The following CAPN2 variants were observed in gnomAD, a reference collection of about 807,000 sequenced individuals.
CAPN2 encodes calpain 2, also known as calpain-2 catalytic subunit.
Under a neutral mutation model 102.3 loss-of-function variants are expected in CAPN2, and 92 were observed. The ratio of observed to expected loss-of-function variants is 0.90; its 90% CI spans 0.76 to 1.07. The LOEUF (loss-of-function observed/expected upper bound fraction) is 1.07. Ranked by LOEUF, CAPN2 falls within the 50% of genes least tolerant of loss-of-function variation. The pLI is 0.00. For missense variants in CAPN2, 800 were observed against 909.4 expected (o/e 0.88, Z 1.55); for synonymous variants, 340 against 355.4 (o/e 0.96, Z 0.49).
At chr1:223,745,218 C>A in intron 3 of CAPN2, 88 bp from the exon 4 acceptor site, 1 of 1,562,964 alleles carries the variant, frequency 6.4e-7, no homozygotes, top group Non-Finnish European at 8.7e-7. Context: ...CCCAGGGGAT[C>A]AGGGCAAGGG....
chr1:223,703,290 A>T (rs901706582), intron 1 of CAPN2, among the ~76,000 whole-genome samples: 4 of 151,780 alleles, frequency 2.6e-5, no homozygotes, highest in Admixed American at 2.0e-4. Context: ...GGATTAAATG[A>T]GTAAATATGT....
chr1:223,718,355 G>C (rs980822083), intron 2 of CAPN2, among the ~76,000 whole-genome samples: 1 of 152,206 alleles, frequency 6.6e-6, no homozygotes, highest in African/African-American at 2.4e-5. Context: ...GCTCACCATG[G>C]TATCACAGTT....
chr1:223,764,594 C>T (rs1661267552), intron 15 of CAPN2, among the ~76,000 whole-genome samples: 1 of 152,228 alleles, frequency 6.6e-6, no homozygotes, highest in Admixed American at 6.5e-5. Flanking sequence ...GCTGGAATCA[C>T]AGGCAAGTGC....
chr1:223,708,614 C>G (rs531264805), upstream of CAPN2, among the ~76,000 whole-genome samples: 9 of 151,698 alleles, frequency 5.9e-5, no homozygotes, highest in East Asian at 1.8e-3. Flanking sequence ...ACTAAAAATA[C>G]AAAAAAATTA....
intron 16 of CAPN2, among the ~76,000 whole-genome samples, chr1:223,767,209 T>C (rs1046468411): frequency 6.6e-6 from 1 of 151,982 alleles, no homozygotes; most frequent in Non-Finnish European, 1.5e-5. Flanking sequence ...ATTATTATAC[T>C]TTAAGTTTTA....
chr1:223,771,774 C>A, intron 18 of CAPN2, 35 bp from the exon 19 acceptor site: 1 of 1,273,962 alleles, frequency 7.8e-7, no homozygotes, highest in Non-Finnish European at 1.2e-6. Flanking sequence ...CAATCTAATG[C>A]TTAGCAATGA....
upstream of CAPN2, chr1:223,712,519 C>T (rs1659756215): frequency 8.2e-7 from 1 of 1,219,120 alleles, no homozygotes; most frequent in Non-Finnish European, 1.0e-6. Context: ...TGAATCATCG[C>T]TCGCAGCGGC....
chr1:223,704,574 G>A (rs1337026936), intron 1 of CAPN2, among the ~76,000 whole-genome samples: 3 of 152,176 alleles, frequency 2.0e-5, no homozygotes, highest in Non-Finnish European at 4.4e-5. Context: ...CACAGTTGAG[G>A]TCTTAGTTTG....
intron 9 of CAPN2, among the ~76,000 whole-genome samples, chr1:223,753,880 G>A (rs1013962703): frequency 5.3e-5 from 8 of 152,316 alleles, no homozygotes; most frequent in African/African-American, 1.7e-4. Flanking sequence ...GATATGTTAT[G>A]TATATACAAA....
intron 16 of CAPN2, among the ~76,000 whole-genome samples, chr1:223,768,445 G>A (rs1405916594): frequency 6.6e-6 from 1 of 151,744 alleles, no homozygotes; most frequent in African/African-American, 2.4e-5. Flanking sequence ...TATTAAATAG[G>A]GAATCCTTTC....
chr1:223,742,776 C>T (rs917815434), intron 2 of CAPN2, among the ~76,000 whole-genome samples: 3 of 152,152 alleles, frequency 2.0e-5, no homozygotes, highest in African/African-American at 4.8e-5. Context: ...TGACCTTGGC[C>T]TCCCAAAGTG....
At chr1:223,738,107 TAAAC>T (rs1192050091) in intron 2 of CAPN2, among the ~76,000 whole-genome samples, 2 of 152,220 alleles carry the variant, frequency 1.3e-5, no homozygotes, top group Non-Finnish European at 2.9e-5. Flanking sequence ...AATTTTTAAA[TAAAC>T]TTATCAGAAT....
rs753061605 is a variant in CAPN2 at position 223,752,874 on chromosome 1, T to C, written c.1053T>C (p.Asp351=). 1.2e-6 allele frequency: 2 copies of C among 1,614,142 alleles called. No homozygotes were observed. Among genetic ancestry groups the C allele is most frequent in the Non-Finnish European group, 1.7e-6 (2 of 1,179,992 alleles). ...CNLTPDTLTS[D]TYKKWKLTKM... is the part of the protein sequence containing the mutation. Reference sequence around the variant, plus strand: ...TGACCCCAGACACTCTCACCAGCGATACCTACAAGAAGTGGAAACTCACCA... The same window carrying C: ...TGACCCCAGACACTCTCACCAGCGACACCTACAAGAAGTGGAAACTCACCA... Residue 351 remains aspartate (D), a synonymous_variant, in exon 9 of 21, where the codon GAT becomes GAC. Transcript: ENST00000295006.
At chr1:223,772,990 A>T (rs768145122) in intron 20 of CAPN2, 2 of 152,186 alleles carry the variant, frequency 1.3e-5, no homozygotes, top group Non-Finnish European at 2.9e-5. Flanking sequence ...ACTGGGTGAG[A>T]ATGGCAGTTG....
chr1:223,769,548 A>G lies in CAPN2; in HGVS notation c.1756-293A>G, dbSNP rs184362354. ...AGGGCCTAGCCACTAGAAGCCATCC[A>G]AAGCCCTCTGCATGTCATCCAATAC... is the stretch of plus-strand genomic sequence containing the variant. On this transcript the variant is annotated intron_variant, in intron 16 of 20. Coordinates refer to ENST00000295006, the MANE Select transcript of CAPN2 (RefSeq NM_001748.5). Among the ~76,000 whole-genome samples, 51 of 152,254 alleles carry G rather than the reference A, an allele frequency of 3.3e-4. 1 individual carries two copies. The highest frequency in any genetic ancestry group is 3.1e-3 in the Admixed American group (48 of 15,292).
intron 2 of CAPN2, among the ~76,000 whole-genome samples, chr1:223,737,241 A>G (rs534575550): frequency 3.3e-5 from 5 of 152,286 alleles, no homozygotes; most frequent in African/African-American, 1.2e-4. Context: ...CCAGCCTCTC[A>G]GGTCTGTGCC....
intron 4 of CAPN2, among the ~76,000 whole-genome samples, chr1:223,746,041 A>G (rs1420605922): frequency 1.3e-5 from 2 of 152,216 alleles, no homozygotes. Flanking sequence ...ACTCTCAGTA[A>G]GAAGCCCCAC....
At chr1:223,761,796 C>CA (rs1661192517) in intron 13 of CAPN2, 179 bp downstream of exon 13, 2 of 580,062 alleles carry the variant, frequency 3.4e-6, no homozygotes, top group Non-Finnish European at 6.1e-6. Context: ...GTGCTGGGGG[C>CA]ATGGGCCAGT....
Position 223,747,153 on chromosome 1 carries a change from C to T in CAPN2, c.717C>T (p.Gly239=), listed in dbSNP as rs778728946. 6.2e-7 allele frequency: 1 copy of T among 1,613,118 alleles called. No individual in the cohort carries two copies. The highest frequency in any genetic ancestry group is 1.1e-5 in the South Asian group (1 of 90,890). ...QKALQKGSLL[G]CSIDITSAAD... ...CTCTGCAAAAAGGCTCTCTCCTTGG[C>T]TGCTCCATCGACGTAAGTCCAGGCT... is the stretch of plus-strand genomic sequence containing the variant. The change falls in exon 5 of 21, where the codon GGC becomes GGT. Residue 239 remains glycine, a synonymous_variant. Coordinates refer to ENST00000295006, the MANE Select transcript of CAPN2 (RefSeq NM_001748.5).
Sources: gnomAD v4.1 joint callset for allele counts (sites outside exome capture counted in the v4.1 genomes callset) on GRCh38, gnomAD v4.1.1 for gene constraint, MANE v1.5 for transcripts, NCBI Gene and HGNC (gene_info 2026-07-23, HGNC 2026-07-21) for gene names.